Variants in ANKHD1 observed in about 807,000 individuals in gnomAD.
ANKHD1 encodes ankyrin repeat and KH domain-containing protein 1.
ANKHD1 carries 31 observed loss-of-function variants against 230.5 expected under a neutral mutation model. The observed-to-expected ratio is 0.13, with a 90% CI of 0.10 to 0.18. The LOEUF (loss-of-function observed/expected upper bound fraction) is 0.18, where lower values mean the gene tolerates loss of function less well. Ranked by LOEUF, ANKHD1 falls within the 10% of genes least tolerant of loss-of-function variation. The pLI, the probability that ANKHD1 is intolerant of heterozygous loss-of-function variation, is 1.00. For synonymous variants in ANKHD1, 1,074 were observed against 1,117.6 expected (o/e 0.96, Z 0.78); for missense variants, 2,256 against 3,071.3 (o/e 0.73, Z 6.27).
At chr5:140,432,370 CATA>C (rs1205774094) in intron 1 of ANKHD1, among the ~76,000 whole-genome samples, 41 of 152,254 alleles carry the variant, frequency 2.7e-4, no homozygotes, top group East Asian at 3.9e-4. Context: ...TTTCACTAAA[CATA>C]ATGTTTTCAA....
intron 14 of ANKHD1, among the ~76,000 whole-genome samples, chr5:140,488,768 T>C (rs984994054): frequency 1.3e-5 from 2 of 151,810 alleles, no homozygotes; most frequent in African/African-American, 4.8e-5. Context: ...GGTGTGGTAG[T>C]GCACACCTGT....
intron 14 of ANKHD1, among the ~76,000 whole-genome samples, chr5:140,487,333 T>G (rs908283812): frequency 7.9e-5 from 12 of 152,202 alleles, no homozygotes; most frequent in African/African-American, 2.9e-4. Context: ...TTGATTATAT[T>G]TAAGTAACCA....
At chr5:140,529,846 A>G in intron 29 of ANKHD1, 50 bp downstream of exon 29, 1 of 1,588,770 alleles carries the variant, frequency 6.3e-7, no homozygotes, top group Non-Finnish European at 8.6e-7. Context: ...CTATGGCCTA[A>G]TCTCACCTTA....
chr5:140,537,186 C>A (rs4327645), intron 30 of ANKHD1: 1 of 925,210 alleles, frequency 1.1e-6, no homozygotes, highest in South Asian at 2.2e-5. Context: ...AGGATAATGT[C>A]TATAGAAATT....
intron 1 of ANKHD1, among the ~76,000 whole-genome samples, chr5:140,427,637 G>A (rs1414897132): frequency 2.8e-5 from 4 of 141,634 alleles, no homozygotes; most frequent in African/African-American, 1.0e-4. Flanking sequence ...GCGGCTGGCC[G>A]GGCGGGGGGC....
intron 14 of ANKHD1, among the ~76,000 whole-genome samples, chr5:140,491,630 C>T (rs964727738): frequency 6.6e-6 from 1 of 152,010 alleles, no homozygotes; most frequent in Non-Finnish European, 1.5e-5. Context: ...CATGTTTTAC[C>T]TGTCCTTTCT....
intron 30 of ANKHD1, 130 bp from the exon 31 acceptor site, chr5:140,537,259 A>C: frequency 3.5e-6 from 5 of 1,416,546 alleles, no homozygotes; most frequent in Non-Finnish European, 4.7e-6. Context: ...GTTGTGGAAT[A>C]GATCTTTCCA....
Position 140,528,696 on chromosome 5 carries a change from A to G in ANKHD1, c.5750A>G (p.Asn1917Ser). The G allele has an allele frequency of 6.2e-7, 1 of 1,614,102 alleles. No homozygotes were observed. The highest frequency in any genetic ancestry group is 8.5e-7 in the Non-Finnish European group (1 of 1,180,030). The change falls in exon 29 of 34, where the codon AAC becomes AGC. Residue 1917 changes from asparagine to serine, a missense_variant. Asn to Ser is a conservative substitution (Grantham distance 46). This residue lies in a region of ANKHD1 where 778 missense variants were observed against 966.5 expected (regional missense o/e 0.80). Transcript: ENST00000360839. ...HNNTSRLPNQ[N>S]GTVLPSESAG... ...AACACAAGCCGTCTACCTAACCAGA[A>G]CGGGACTGTTTTACCCTCAGAGTCT...
chr5:140,532,107 C>T (rs545273676), intron 29 of ANKHD1, among the ~76,000 whole-genome samples: 6 of 150,494 alleles, frequency 4.0e-5, no homozygotes, highest in East Asian at 2.0e-4. Flanking sequence ...CTCAGGAGGC[C>T]GAGGCAGGGG....
At chr5:140,459,537 T>C (rs1325042384) in intron 9 of ANKHD1, among the ~76,000 whole-genome samples, 182 bp downstream of exon 9, 1 of 152,164 alleles carries the variant, frequency 6.6e-6, no homozygotes, top group African/African-American at 2.4e-5. Flanking sequence ...GTACAAAGTT[T>C]CACTTAGATA....
At chr5:140,516,629 A>G (rs1753025678) in intron 24 of ANKHD1, among the ~76,000 whole-genome samples, 1 of 152,200 alleles carries the variant, frequency 6.6e-6, no homozygotes, top group African/African-American at 2.4e-5. Context: ...AGTGGGGGCC[A>G]ATATTCAACA....
chr5:140,417,806 T>A (rs1405078443), intron 1 of ANKHD1, among the ~76,000 whole-genome samples: 1 of 150,074 alleles, frequency 6.7e-6, no homozygotes, highest in Non-Finnish European at 1.5e-5. Context: ...GTTGTAAGAA[T>A]AGTACAAGGA....
At chr5:140,440,909 T>C (rs1000999631) in intron 4 of ANKHD1, 86 bp from the exon 5 acceptor site, 10 of 1,352,686 alleles carry the variant, frequency 7.4e-6, no homozygotes, top group East Asian at 2.8e-5. Context: ...TCTAGAAGAA[T>C]ATCTTCAGAG....
chr5:140,525,829 C>T (rs1753582284), intron 25 of ANKHD1, among the ~76,000 whole-genome samples, 167 bp from the exon 26 acceptor site: 1 of 147,954 alleles, frequency 6.8e-6, no homozygotes, highest in East Asian at 1.9e-4. Flanking sequence ...GAGCAAGACT[C>T]CATCTAAAAA....
intron 32 of ANKHD1, among the ~76,000 whole-genome samples, chr5:140,538,687 G>C (rs748843961): frequency 1.3e-5 from 2 of 152,156 alleles, no homozygotes; most frequent in Non-Finnish European, 2.9e-5. Context: ...GAAATTTCCT[G>C]ATGATTTCAT....
intron 13 of ANKHD1, chr5:140,486,428 C>T (rs1751506081): frequency 6.6e-6 from 1 of 152,332 alleles, no homozygotes; most frequent in Non-Finnish European, 1.5e-5. Context: ...TGACTTTTGT[C>T]AACCATGAAA....
intron 14 of ANKHD1, among the ~76,000 whole-genome samples, chr5:140,489,499 A>AT (rs1002748452): frequency 6.6e-6 from 1 of 151,462 alleles, no homozygotes; most frequent in African/African-American, 2.4e-5. Flanking sequence ...AAATAAATAA[A>AT]TAAATAACAC....
At chr5:140,452,024 G>A (rs924267993) in intron 7 of ANKHD1, among the ~76,000 whole-genome samples, 2 of 152,010 alleles carry the variant, frequency 1.3e-5, no homozygotes, top group Non-Finnish European at 2.9e-5. Context: ...CGCATGAGAC[G>A]GGTGATTTCT....
At position 140,496,945 on chromosome 5, in the gene ANKHD1, G is replaced by A. The variant is rs750558408; in HGVS notation, c.2671G>A (p.Asp891Asn). Residue 891 changes from aspartate (D) to asparagine (N), a missense_variant, in exon 15 of 34, where the codon GAT (aspartate) becomes AAT (asparagine). This residue lies in a region of ANKHD1 where 358 missense variants were observed against 397.7 expected (regional missense o/e 0.90). Coordinates refer to ENST00000360839, the MANE Select transcript of ANKHD1 (RefSeq NM_017747.3). ...GGAAGGAGATGGTAGTCTCCCAGAG[G>A]ATCACTTTTCAGAGTTACCTCAGGT... ...EGEGDGSLPE[D>N]HFSELPQVDT... 6.2e-6 allele frequency: 10 copies of A among 1,614,098 alleles called. No homozygotes were observed. Among genetic ancestry groups the A allele is most frequent in the Non-Finnish European group, 7.6e-6 (9 of 1,180,012 alleles).
Sources: gnomAD v4.1 joint callset for allele counts (sites outside exome capture counted in the v4.1 genomes callset) on GRCh38, gnomAD v4.1.1 for gene constraint, gnomAD v4.1.1 regional missense constraint, MANE v1.5 for transcripts, NCBI Gene and HGNC (gene_info 2026-07-23, HGNC 2026-07-21) for gene names.